ATXN1: variants seen among roughly 807,000 people sequenced by gnomAD.
The protein encoded by ATXN1 is ataxin-1.
ATXN1 carries 8 observed loss-of-function variants against 56.4 expected under a neutral mutation model. The observed-to-expected ratio is 0.14, with a 90% CI of 0.08 to 0.26. The LOEUF (loss-of-function observed/expected upper bound fraction) is 0.26. Among genes scored for constraint, ATXN1 ranks in the 10% least tolerant of loss-of-function variants. The probability of loss-of-function intolerance (pLI) is 1.00; values close to 1 mark genes in which losing one functional copy is unlikely to be tolerated. For synonymous variants in ATXN1, 514 were observed against 494.6 expected, an observed-to-expected ratio of 1.04 and a Z score of -0.52; for missense variants, 987 against 1,106.5, an observed-to-expected ratio of 0.89 and a Z score of 1.53.
chr6:16,660,860 A>T, intron 2 of ATXN1, among the ~76,000 whole-genome samples: 1 of 106,570 alleles, frequency 9.4e-6, no homozygotes, highest in Non-Finnish European at 1.8e-5. Context: ...TTTTTTTGAG[A>T]CAGAGTTTTG....
At chr6:16,643,627 CA>C (rs58223053) in intron 3 of ATXN1, among the ~76,000 whole-genome samples, 5,550 of 63,032 alleles carry the variant, frequency 0.088, 214 homozygotes, top group African/African-American at 0.27. Context: ...GAGACCCTGC[CA>C]AAAAAAAAAA....
intron 6 of ATXN1, among the ~76,000 whole-genome samples, chr6:16,351,084 G>A (rs1761555740): frequency 6.6e-6 from 1 of 152,046 alleles, no homozygotes; most frequent in South Asian, 2.1e-4. Context: ...ACAAGACCCT[G>A]TCTCAAAAAA....
At chr6:16,403,145 A>T (rs1758612743) in intron 6 of ATXN1, among the ~76,000 whole-genome samples, 1 of 152,040 alleles carries the variant, frequency 6.6e-6, no homozygotes, top group Non-Finnish European at 1.5e-5. Context: ...ACACACATAC[A>T]CTCAGAAAGA....
At chr6:16,745,180 T>C (rs1423799764) in intron 2 of ATXN1, among the ~76,000 whole-genome samples, 1 of 152,206 alleles carries the variant, frequency 6.6e-6, no homozygotes, top group Non-Finnish European at 1.5e-5. Context: ...ATATCATTAG[T>C]AACAATGTAA....
chr6:16,429,292 A>AC (rs1759226247), intron 6 of ATXN1, among the ~76,000 whole-genome samples: 1 of 150,578 alleles, frequency 6.6e-6, no homozygotes, highest in African/African-American at 2.4e-5. Flanking sequence ...GACTGTAGAG[A>AC]CCCCAAGTTT....
chr6:16,740,639 T>G (rs2113507576), intron 2 of ATXN1, among the ~76,000 whole-genome samples: 1 of 152,310 alleles, frequency 6.6e-6, no homozygotes, highest in South Asian at 2.1e-4. Flanking sequence ...TCATTCTCTG[T>G]TTATCCATCA....
In ATXN1 at chr6:16,342,493, C is replaced by T. The variant is rs145996771; in HGVS notation, c.-160-14023G>A. On this transcript the variant is annotated intron_variant, in intron 6 of 7. Transcript: ENST00000436367. ...CCTCAAAATGTGAAATACAGAATTA[C>T]CACATGACTCAGCAATTCCACGTCT... is the stretch of plus-strand genomic sequence containing the variant. Among the ~76,000 whole-genome samples, 25 of 152,270 alleles carry T rather than the reference C, an allele frequency of 1.6e-4. No individual in the cohort carries two copies. The East Asian group carries it at 4.8e-3, about 29-fold the overall frequency.
At chr6:16,751,055 G>A (rs902267152) in intron 2 of ATXN1, among the ~76,000 whole-genome samples, 1 of 148,072 alleles carries the variant, frequency 6.8e-6, no homozygotes, top group African/African-American at 2.5e-5. Context: ...TGCAACCTCT[G>A]CCTCCAGGAT....
intron 3 of ATXN1, among the ~76,000 whole-genome samples, chr6:16,600,276 G>A (rs533743360): frequency 1.3e-4 from 20 of 152,174 alleles, no homozygotes; most frequent in Non-Finnish European, 2.4e-4. Flanking sequence ...AGCATCATCC[G>A]GTGCTTCTCA....
intron 2 of ATXN1, among the ~76,000 whole-genome samples, chr6:16,675,145 G>A (rs1387937559): frequency 1.3e-5 from 2 of 152,156 alleles, no homozygotes; most frequent in Non-Finnish European, 2.9e-5. Flanking sequence ...GTAGATTGGT[G>A]ACTTTATAGA....
intron 3 of ATXN1, among the ~76,000 whole-genome samples, chr6:16,621,945 G>C (rs1380141728): frequency 6.6e-6 from 1 of 152,166 alleles, no homozygotes; most frequent in Non-Finnish European, 1.5e-5. Flanking sequence ...TAATCTATCT[G>C]AGTGCCACCA....
At chr6:16,368,917 A>G (rs1352909522) in intron 6 of ATXN1, among the ~76,000 whole-genome samples, 1 of 152,230 alleles carries the variant, frequency 6.6e-6, no homozygotes, top group Non-Finnish European at 1.5e-5. Context: ...CTTTACTTCA[A>G]TATGTGTGCA....
intron 4 of ATXN1, among the ~76,000 whole-genome samples, chr6:16,540,237 G>A (rs915144612): frequency 4.6e-5 from 7 of 152,070 alleles, no homozygotes; most frequent in Non-Finnish European, 8.8e-5. Context: ...TTTGGAGACG[G>A]AATCTTGTTC....
At chr6:16,658,928 T>A (rs370989154) in intron 2 of ATXN1, among the ~76,000 whole-genome samples, 2 of 152,338 alleles carry the variant, frequency 1.3e-5, no homozygotes, top group Middle Eastern at 3.4e-3. Context: ...AGTGACCAAG[T>A]TGTAAGAAAG....
chr6:16,367,356 T>A (rs1381265859), intron 6 of ATXN1, among the ~76,000 whole-genome samples: 1 of 118,086 alleles, frequency 8.5e-6, no homozygotes, highest in Non-Finnish European at 1.8e-5. Context: ...TCTCTCTCTC[T>A]CTCTCTCACA....
intron 6 of ATXN1, among the ~76,000 whole-genome samples, chr6:16,393,640 C>G (rs1758398924): frequency 6.6e-6 from 1 of 152,204 alleles, no homozygotes; most frequent in South Asian, 2.1e-4. Flanking sequence ...TGAATACATA[C>G]CAGTGTTTAT....
chr6:16,464,441 A>G (rs1760060905), intron 6 of ATXN1, among the ~76,000 whole-genome samples: 2 of 152,134 alleles, frequency 1.3e-5, no homozygotes, highest in South Asian at 4.1e-4. Flanking sequence ...GCAGCAACCC[A>G]CTTGGGTCCC....
At chr6:16,524,425 C>T (rs1361523166) in intron 4 of ATXN1, among the ~76,000 whole-genome samples, 1 of 152,184 alleles carries the variant, frequency 6.6e-6, no homozygotes, top group Non-Finnish European at 1.5e-5. Context: ...CACGCATTGA[C>T]CTTTTCATCC....
intron 6 of ATXN1, among the ~76,000 whole-genome samples, chr6:16,416,320 C>T (rs897301729): frequency 6.6e-6 from 1 of 152,164 alleles, no homozygotes; most frequent in Non-Finnish European, 1.5e-5. Context: ...TGACTTCCTC[C>T]TAAAAAATCT....
Sources: allele counts gnomAD v4.1 joint callset (sites outside exome capture counted in the v4.1 genomes callset), GRCh38; gene constraint gnomAD v4.1.1; transcripts MANE v1.5; gene names NCBI Gene and HGNC (gene_info 2026-07-23, HGNC 2026-07-21).